Variants in SGTB observed in about 807,000 individuals in gnomAD.
The protein encoded by SGTB is small glutamine-rich tetratricopeptide repeat-containing protein beta.
A neutral mutation model predicts 43.9 loss-of-function variants in SGTB; 19 were observed. The observed-to-expected ratio is 0.43, with a 90% CI of 0.30 to 0.63. The LOEUF (loss-of-function observed/expected upper bound fraction) is 0.63, where lower values mean the gene tolerates loss of function less well. Among genes scored for constraint, SGTB ranks in the 30% least tolerant of loss-of-function variants. The pLI is 0.12. For missense variants in SGTB, 304 were observed against 358.9 expected, an observed-to-expected ratio of 0.85 and a Z score of 1.24; for synonymous variants, 116 against 117.3, an observed-to-expected ratio of 0.99 and a Z score of 0.07.
chr5:65,721,475 T>C (rs933751821), intron 1 of SGTB, among the ~76,000 whole-genome samples: 23 of 152,186 alleles, frequency 1.5e-4, no homozygotes, highest in African/African-American at 5.5e-4. Flanking sequence ...CTCCCGGTCA[T>C]GTTCATTCAC....
At chr5:65,716,125 T>G (rs887648153) in intron 2 of SGTB, among the ~76,000 whole-genome samples, 1 of 152,172 alleles carries the variant, frequency 6.6e-6, no homozygotes, top group Admixed American at 6.5e-5. Context: ...AAAAGAGATT[T>G]GACAAAGACT....
At chr5:65,694,451 A>G (rs1305449064) in intron 5 of SGTB, among the ~76,000 whole-genome samples, 1 of 152,142 alleles carries the variant, frequency 6.6e-6, no homozygotes, top group African/African-American at 2.4e-5. Context: ...AAGTCGTCCC[A>G]AAGAAGCAAC....
chr5:65,688,817 T>A lies in SGTB; in HGVS notation c.375-3345A>T, dbSNP rs1178492909. ...GGATTTAATGTTAACTATTTTTAAT[T>A]TTTCTTTTTTTAGGTGGAGTCTTGC... On this transcript the variant is annotated intron_variant, in intron 5 of 10. Coordinates refer to ENST00000381007, the MANE Select transcript of SGTB (RefSeq NM_019072.3). Among the ~76,000 whole-genome samples, 4 of 152,280 alleles carry A rather than the reference T, an allele frequency of 2.6e-5. No individual in the cohort carries two copies. The East Asian group carries it at 7.7e-4, about 29-fold the overall frequency.
chr5:65,714,567 C>T (rs1318732930), intron 2 of SGTB, among the ~76,000 whole-genome samples: 6 of 152,256 alleles, frequency 3.9e-5, no homozygotes, highest in East Asian at 3.9e-4. Context: ...ATAATCCCAG[C>T]ACTTTGGGAG....
intron 3 of SGTB, among the ~76,000 whole-genome samples, chr5:65,710,302 A>G (rs868557200): frequency 6.6e-6 from 1 of 152,226 alleles, no homozygotes; most frequent in Admixed American, 6.5e-5. Context: ...TTTGGGGGTC[A>G]GAAAAATAGC....
intron 5 of SGTB, 47 bp from the exon 6 acceptor site, chr5:65,685,519 C>G: frequency 6.5e-7 from 1 of 1,549,060 alleles, no homozygotes; most frequent in Non-Finnish European, 8.9e-7. Context: ...TTTCAAGGCA[C>G]TAATTTAGAT....
intron 4 of SGTB, among the ~76,000 whole-genome samples, chr5:65,704,769 A>G (rs1249071987): frequency 6.6e-6 from 1 of 151,570 alleles, no homozygotes. Flanking sequence ...TCACCATCTC[A>G]ATCTGGACCT....
intron 6 of SGTB, among the ~76,000 whole-genome samples, chr5:65,683,339 G>A (rs1043544220): frequency 6.6e-6 from 1 of 152,162 alleles, no homozygotes; most frequent in African/African-American, 2.4e-5. Flanking sequence ...TTCACTAATT[G>A]TGCATGTACA....
chr5:65,669,925 A>C lies in SGTB; in HGVS notation c.*321T>G, dbSNP rs761913804. 11 of 198,892 alleles carry C rather than the reference A, an allele frequency of 5.5e-5. No individual in the cohort carries two copies. The highest frequency in any genetic ancestry group is 1.0e-4 in the Non-Finnish European group (10 of 98,852). 12.3% of individuals were successfully genotyped at this position (198,892 alleles called of 1,614,324 possible). A position where few individuals can be genotyped will look rare whatever the true frequency, so the allele number is the denominator to read the frequency against. ...CAAATAGCCCTACTAGAGTTCAATA[A>C]ATATGCTTTGCTATTAAGTCTAATA... is the stretch of plus-strand genomic sequence containing the variant. On this transcript the variant is annotated 3_prime_UTR_variant, in exon 11 of 11. Coordinates refer to ENST00000381007, the MANE Select transcript of SGTB (RefSeq NM_019072.3).
intron 5 of SGTB, among the ~76,000 whole-genome samples, chr5:65,700,055 G>A (rs1757783376): frequency 6.6e-6 from 1 of 152,162 alleles, no homozygotes; most frequent in African/African-American, 2.4e-5. Context: ...AAAAAAGAGG[G>A]ATGTAATATA....
At chr5:65,676,096 T>C (rs58616661) in intron 8 of SGTB, among the ~76,000 whole-genome samples, 3,468 of 151,986 alleles carry the variant, frequency 0.023, 128 homozygotes, top group African/African-American at 0.078. Flanking sequence ...AGAGACCCAC[T>C]ATACATACAA....
rs1003277332 is a variant in SGTB, at chr5:65,669,077, C to A, written c.*1169G>T. On this transcript the variant is annotated 3_prime_UTR_variant, in exon 11 of 11. Coordinates refer to ENST00000381007, the MANE Select transcript of SGTB (RefSeq NM_019072.3). ...AGACCCATGCAATTAATACCTAATG[C>A]CCCTTTTCTCCACTAACTAATATGG... is the stretch of plus-strand genomic sequence containing the variant. 1 of 152,086 alleles carries A rather than the reference C, an allele frequency of 6.6e-6. No homozygotes were observed. The highest frequency in any genetic ancestry group is 1.5e-5 in the Non-Finnish European group (1 of 68,006). The allele number at this position is 152,086 out of a possible 1,614,324, so 9.4% of individuals were successfully genotyped here. A position where few individuals can be genotyped will look rare whatever the true frequency, so the allele number is the denominator to read the frequency against.
chr5:65,682,398 C>T (rs550689595), intron 6 of SGTB, among the ~76,000 whole-genome samples: 1 of 152,258 alleles, frequency 6.6e-6, no homozygotes, highest in Non-Finnish European at 1.5e-5. Flanking sequence ...CTCACTCTGG[C>T]TTCTACGTAG....
In SGTB at chr5:65,705,252, G is replaced by A. The variant is rs1182805577; in HGVS notation, c.275-874C>T. Reference sequence around the variant, plus strand: ...GAGGCCAGGAGTTCGAGTCCAGCCTGGGCAATATAGTGGGACCCCCCCTCA... The same window carrying A: ...GAGGCCAGGAGTTCGAGTCCAGCCTAGGCAATATAGTGGGACCCCCCCTCA... On this transcript the variant is annotated intron_variant, in intron 4 of 10. Coordinates refer to ENST00000381007, the MANE Select transcript of SGTB (RefSeq NM_019072.3). Among the ~76,000 whole-genome samples, 4 of 144,208 alleles carry A rather than the reference G, an allele frequency of 2.8e-5. No homozygotes were observed. The East Asian group carries it at 7.8e-4, about 28-fold the overall frequency. 94.6% of individuals were successfully genotyped at this position (144,208 alleles called of 152,430 possible).
At chr5:65,673,852 C>T (rs566809863) in intron 8 of SGTB, among the ~76,000 whole-genome samples, 18 of 152,134 alleles carry the variant, frequency 1.2e-4, no homozygotes, top group Admixed American at 1.1e-3. Context: ...GACGGGGTTT[C>T]GCCAGGTTGG....
At chr5:65,693,564 T>A (rs527899666) in intron 5 of SGTB, among the ~76,000 whole-genome samples, 23 of 152,202 alleles carry the variant, frequency 1.5e-4, no homozygotes, top group Admixed American at 3.9e-4. Flanking sequence ...ATTTTTTTTT[T>A]AAATAGACAC....
intron 8 of SGTB, among the ~76,000 whole-genome samples, chr5:65,677,992 G>C (rs1163661325): frequency 6.6e-6 from 1 of 152,060 alleles, no homozygotes; most frequent in African/African-American, 2.4e-5. Flanking sequence ...GGAAGTTTTG[G>C]CCAGGGAAAT....
At chr5:65,692,754 T>C (rs1230980626) in intron 5 of SGTB, among the ~76,000 whole-genome samples, 1 of 152,226 alleles carries the variant, frequency 6.6e-6, no homozygotes, top group Non-Finnish European at 1.5e-5. Context: ...GATTTCAGTA[T>C]TAATACTAAT....
rs570311944 is a variant in SGTB, at chr5:65,683,644, G to A, written c.479+1724C>T. ...GGAAACAGGGCAAGTGTAGTGTCAG[G>A]ATCCTAGAGAGTGATGTATTTTGAC... On this transcript the variant is annotated intron_variant, in intron 6 of 10. Transcript: ENST00000381007. Among the ~76,000 whole-genome samples the A allele has an allele frequency of 5.9e-5, 9 of 151,534 alleles. No homozygotes were observed. The South Asian group carries it at 1.9e-3, about 32-fold the overall frequency.
Sources: allele counts gnomAD v4.1 joint callset (sites outside exome capture counted in the v4.1 genomes callset), GRCh38; gene constraint gnomAD v4.1.1; transcripts MANE v1.5; gene names NCBI Gene and HGNC (gene_info 2026-07-23, HGNC 2026-07-21).